KIF6: variants seen among roughly 807,000 people sequenced by gnomAD.
KIF6 encodes kinesin family member 6.
Under a neutral mutation model 112.7 loss-of-function variants are expected in KIF6, and 106 were observed. The observed-to-expected ratio is 0.94, with a 90% CI of 0.80 to 1.11. The LOEUF (loss-of-function observed/expected upper bound fraction) is 1.11. KIF6 is among the 50% of genes least tolerant of loss of function. The probability of loss-of-function intolerance (pLI) is 0.00; values close to 1 mark genes in which losing one functional copy is unlikely to be tolerated. For synonymous variants in KIF6, 339 were observed against 339.9 expected (o/e 1.00, Z 0.03); for missense variants, 929 against 964.0 (o/e 0.96, Z 0.48).
intron 13 of KIF6, among the ~76,000 whole-genome samples, chr6:39,490,317 C>G (rs748805867): frequency 6.6e-6 from 1 of 152,124 alleles, no homozygotes; most frequent in East Asian, 1.9e-4. Context: ...GTGAAATCGT[C>G]AAGTAAGGGA....
chr6:39,511,533 G>C (rs923744148), intron 13 of KIF6, among the ~76,000 whole-genome samples: 1 of 152,308 alleles, frequency 6.6e-6, no homozygotes, highest in East Asian at 1.9e-4. Context: ...AGACAGTGTG[G>C]TGATTCCTCA....
At chr6:39,573,575 C>T (rs567594976) in intron 10 of KIF6, among the ~76,000 whole-genome samples, 61 of 152,208 alleles carry the variant, frequency 4.0e-4, no homozygotes, top group Non-Finnish European at 7.1e-4. Flanking sequence ...GGGTGATTTT[C>T]GTTTGCAACA....
chr6:39,718,094 G>A (rs1789965243), intron 2 of KIF6, among the ~76,000 whole-genome samples: 1 of 151,854 alleles, frequency 6.6e-6, no homozygotes, highest in Admixed American at 6.6e-5. Flanking sequence ...GCCAGGTGTG[G>A]TGTTGCATGC....
At position 39,533,257 on chromosome 6, in the gene KIF6, T is replaced by A. The variant is rs141225791; in HGVS notation, c.1645+6746A>T. 2.6e-3 allele frequency among the ~76,000 whole-genome samples: 391 copies of A among 152,084 alleles called. 3 individuals carry two copies. The highest frequency in any genetic ancestry group is 8.8e-3 in the African/African-American group (366 of 41,490). ...GGGGTCAGGGAGTTCCCTTTCCGAG[T>A]CAAAGAAAGGGGTGACAGATGGCAC... On this transcript the variant is annotated intron_variant, in intron 13 of 22. Transcript: ENST00000287152.
At chr6:39,381,109 G>A (rs781635827) in intron 16 of KIF6, among the ~76,000 whole-genome samples, 2 of 152,032 alleles carry the variant, frequency 1.3e-5, no homozygotes, top group African/African-American at 2.4e-5. Context: ...GTTCCTTTGG[G>A]ATATGGGATT....
chr6:39,525,978 CAT>C (rs1442404582), intron 13 of KIF6, among the ~76,000 whole-genome samples: 1 of 152,170 alleles, frequency 6.6e-6, no homozygotes, highest in Non-Finnish European at 1.5e-5. Flanking sequence ...GAACAATGCT[CAT>C]TTGTTTTGTT....
At chr6:39,560,472 G>C (rs57623330) in intron 10 of KIF6, among the ~76,000 whole-genome samples, 3,987 of 152,226 alleles carry the variant, frequency 0.026, 197 homozygotes, top group African/African-American at 0.091. Flanking sequence ...TTTAAAATAA[G>C]GAAGCCACAC....
chr6:39,488,156 C>G (rs1381206950), intron 13 of KIF6, among the ~76,000 whole-genome samples: 1 of 152,112 alleles, frequency 6.6e-6, no homozygotes, highest in African/African-American at 2.4e-5. Flanking sequence ...CTTGACCCAC[C>G]AATGAGTCGA....
At chr6:39,568,644 G>C (rs563090322) in intron 10 of KIF6, among the ~76,000 whole-genome samples, 1 of 151,548 alleles carries the variant, frequency 6.6e-6, no homozygotes, top group Non-Finnish European at 1.5e-5. Context: ...TCTGCCTCCC[G>C]GGTTTCAGTA....
intron 10 of KIF6, among the ~76,000 whole-genome samples, chr6:39,556,987 G>A (rs1263906631): frequency 6.6e-6 from 1 of 151,836 alleles, no homozygotes; most frequent in Non-Finnish European, 1.5e-5. Flanking sequence ...TTTTTCAGCT[G>A]TTTCTTTAGC....
At chr6:39,424,998 G>A (rs1200233020) in intron 14 of KIF6, among the ~76,000 whole-genome samples, 1 of 152,180 alleles carries the variant, frequency 6.6e-6, no homozygotes, top group Non-Finnish European at 1.5e-5. Context: ...CCTGCTGTGG[G>A]GTGTGTCAGG....
chr6:39,351,182 CTTTTTT>C lies in KIF6; in HGVS notation c.2181-4662_2181-4657del, dbSNP rs5875669. ...CAAGGTTCTGAACACTAGGATTAAA[CTTTTTT>C]TTTTTTTTTTTTTTGCAAGCACAGT... On this transcript the variant is annotated intron_variant, in intron 19 of 22. Transcript: ENST00000287152. 9.4e-5 allele frequency among the ~76,000 whole-genome samples: 10 copies of C among 106,800 alleles called. No homozygotes were observed. The East Asian group carries it at 9.8e-4, about 11-fold the overall frequency. The allele number at this position is 106,800 out of a possible 152,430, so 70.1% of individuals were successfully genotyped here. A position where few individuals can be genotyped will look rare whatever the true frequency, so the allele number is the denominator to read the frequency against.
At chr6:39,346,840 G>A (rs1053506854) in intron 19 of KIF6, among the ~76,000 whole-genome samples, 1 of 152,032 alleles carries the variant, frequency 6.6e-6, no homozygotes, top group Non-Finnish European at 1.5e-5. Context: ...GTAGAGATGG[G>A]GTTTCACCAT....
chr6:39,356,397 C>T (rs372088108), intron 19 of KIF6, among the ~76,000 whole-genome samples: 1 of 152,054 alleles, frequency 6.6e-6, no homozygotes, highest in Non-Finnish European at 1.5e-5. Flanking sequence ...CCCCAAGTAG[C>T]TGGGATTACA....
At chr6:39,635,557 A>G (rs1784582135) in intron 4 of KIF6, among the ~76,000 whole-genome samples, 1 of 152,076 alleles carries the variant, frequency 6.6e-6, no homozygotes, top group African/African-American at 2.4e-5. Flanking sequence ...CTGTGGAGTT[A>G]ATTTTCCTGG....
chr6:39,548,958 T>C (rs1226977432), intron 10 of KIF6, among the ~76,000 whole-genome samples: 1 of 152,164 alleles, frequency 6.6e-6, no homozygotes, highest in Non-Finnish European at 1.5e-5. Flanking sequence ...CACCATTCAG[T>C]AACAAGAAAT....
intron 3 of KIF6, among the ~76,000 whole-genome samples, chr6:39,675,744 A>G (rs563073912): frequency 2.0e-4 from 30 of 152,152 alleles, no homozygotes; most frequent in Non-Finnish European, 4.1e-4. Context: ...AAATAATAAC[A>G]TAACAAGACA....
At chr6:39,510,501 G>C (rs1562275610) in intron 13 of KIF6, among the ~76,000 whole-genome samples, 2 of 152,098 alleles carry the variant, frequency 1.3e-5, no homozygotes, top group Admixed American at 6.5e-5. Flanking sequence ...AATGCTAAGA[G>C]ATTTTGTCAC....
chr6:39,388,500 G>A (rs751447605), intron 15 of KIF6, among the ~76,000 whole-genome samples: 1 of 151,998 alleles, frequency 6.6e-6, no homozygotes, highest in Non-Finnish European at 1.5e-5. Flanking sequence ...ACTCAGTTTT[G>A]GTGAATTGAC....
Sources: allele counts gnomAD v4.1 joint callset (sites outside exome capture counted in the v4.1 genomes callset), GRCh38; gene constraint gnomAD v4.1.1; transcripts MANE v1.5; gene names NCBI Gene and HGNC (gene_info 2026-07-23, HGNC 2026-07-21).